Variants in XKR7 observed in about 807,000 individuals in gnomAD.
The protein encoded by XKR7 is XK related 7, also known as XK-related protein 7.
A neutral mutation model predicts 42.2 loss-of-function variants in XKR7; 11 were observed. The ratio of observed to expected loss-of-function variants is 0.26; its 90% confidence interval spans 0.16 to 0.43. The LOEUF is 0.43. XKR7 is among the 20% of genes least tolerant of loss of function. The pLI is 1.00. For synonymous variants in XKR7, 346 were observed against 366.4 expected, an observed-to-expected ratio of 0.94 and a Z score of 0.64; for missense variants, 710 against 802.2, an observed-to-expected ratio of 0.89 and a Z score of 1.39.
At position 31,996,888 on chromosome 20, in the gene XKR7, G is replaced by A. The variant is rs780050226; in HGVS notation, c.1171G>A (p.Val391Ile). ...CCGCATGACCCTCTACCACTGCATC[G>A]TCCTGCTGGAGAACGCCGCGCTCAC... ...RRRMTLYHCI[V>I]LLENAALTGF... Residue 391 changes from valine to isoleucine, a missense_variant, in exon 3 of 3, where the codon GTC (valine) becomes ATC (isoleucine). By Grantham distance (29) the Val-to-Ile change is conservative (BLOSUM62 3). Around this residue, in one of 2 missense-constraint regions of XKR7, gnomAD observed 708 missense variants for 786.2 expected, o/e 0.90. Transcript: ENST00000562532. 33 of 1,613,782 alleles carry A rather than the reference G, an allele frequency of 2.0e-5. No homozygotes were observed. Among genetic ancestry groups the A allele is most frequent in the Non-Finnish European group, 2.5e-5 (29 of 1,180,042 alleles).
Position 31,968,859 on chromosome 20 carries a change from C to T in XKR7, c.584+100C>T. Reference sequence around the variant, plus strand: ...TGATCTGACCTTTCCGGGCTACCCTCCTGTCCTGACCTCCCCCCCTCCCCA... The same window carrying T: ...TGATCTGACCTTTCCGGGCTACCCTTCTGTCCTGACCTCCCCCCCTCCCCA... On this transcript the variant is annotated intron_variant, in intron 1 of 2. Coordinates refer to ENST00000562532, the MANE Select transcript of XKR7 (RefSeq NM_001011718.2). The surrounding 1 kb of genome is among the most constrained non-coding windows in gnomAD (Gnocchi z 4.5). 2 of 1,409,192 alleles carry T rather than the reference C, an allele frequency of 1.4e-6. No homozygotes were observed. Among genetic ancestry groups the T allele is most frequent in the East Asian group, 5.1e-5 (2 of 38,974 alleles). The allele number at this position is 1,409,192 out of a possible 1,614,324, so 87.3% of individuals were successfully genotyped here. A position where few individuals can be genotyped will look rare whatever the true frequency, so the allele number is the denominator to read the frequency against.
At chr20:31,972,352 C>G (rs2064469148) in intron 1 of XKR7, among the ~76,000 whole-genome samples, 1 of 152,216 alleles carries the variant, frequency 6.6e-6, no homozygotes, top group Non-Finnish European at 1.5e-5. Flanking sequence ...TTACACCACA[C>G]ACTGGCTACT....
chr20:31,968,809 G>A lies in XKR7; in HGVS notation c.584+50G>A. ...CCTGAGCCCGAGGAGTGGGGGTGGC[G>A]AAGGGCTACCTGACGTCCCAGCCCT... is the stretch of plus-strand genomic sequence containing the variant. On this transcript the variant is annotated intron_variant, in intron 1 of 2. Transcript: ENST00000562532. The surrounding 1 kb of genome is among the most constrained non-coding windows in gnomAD (Gnocchi z 4.5). 1 of 1,449,186 alleles carries A rather than the reference G, an allele frequency of 6.9e-7. No homozygotes were observed. Among genetic ancestry groups the A allele is most frequent in the Non-Finnish European group, 9.0e-7 (1 of 1,106,394 alleles). 89.8% of individuals were successfully genotyped at this position (1,449,186 alleles called of 1,614,324 possible). A position where few individuals can be genotyped will look rare whatever the true frequency, so the allele number is the denominator to read the frequency against.
rs769835072 is a variant in XKR7 at position 31,996,697 on chromosome 20, A to G, written c.980A>G (p.Tyr327Cys). Reference protein sequence around the residue: ...FALFASVYKLYFGIFIVAHWC... With the variant: ...FALFASVYKLCFGIFIVAHWC... ...CTCTTCGCCAGCGTCTACAAGCTCT[A>G]TTTTGGCATCTTCATCGTGGCCCAC... Residue 327 changes from tyrosine to cysteine, a missense_variant, in exon 3 of 3, where the codon TAT becomes TGT. Tyr to Cys is a radical substitution (Grantham distance 194). Coordinates refer to ENST00000562532, the MANE Select transcript of XKR7 (RefSeq NM_001011718.2). 7 of 1,611,440 alleles carry G rather than the reference A, an allele frequency of 4.3e-6. No individual in the cohort carries two copies. In the Admixed American group the frequency reaches 1.0e-4, roughly 23 times the overall value.
chr20:31,971,615 G>A (rs1479287745), intron 1 of XKR7, among the ~76,000 whole-genome samples: 3 of 152,164 alleles, frequency 2.0e-5, no homozygotes, highest in African/African-American at 7.2e-5. Context: ...TAATGAAGAG[G>A]GAGATGTGTG....
At chr20:31,971,132 T>C (rs2064463494) in intron 1 of XKR7, among the ~76,000 whole-genome samples, 1 of 152,180 alleles carries the variant, frequency 6.6e-6, no homozygotes. Flanking sequence ...TCTGTTGCAC[T>C]GAGATAAGAA....
Position 31,997,727 on chromosome 20 carries a change from C to A in XKR7, c.*270C>A. ...TCTGGTGCTACACTTTTCGAGCTGC[C>A]CTGCTTTCATGGGGCCTCCACACCT... On this transcript the variant is annotated 3_prime_UTR_variant, in exon 3 of 3. Coordinates refer to ENST00000562532, the MANE Select transcript of XKR7 (RefSeq NM_001011718.2). 2.2e-6 allele frequency: 1 copy of A among 462,958 alleles called. No individual in the cohort carries two copies. 28.7% of individuals were successfully genotyped at this position (462,958 alleles called of 1,614,324 possible). A position where few individuals can be genotyped will look rare whatever the true frequency, so the allele number is the denominator to read the frequency against.
chr20:31,995,103 G>A lies in XKR7; in HGVS notation c.620G>A (p.Arg207His). 1 of 1,556,422 alleles carries A rather than the reference G, an allele frequency of 6.4e-7. No individual in the cohort carries two copies. ...LRALYLGLQSRWRGERLRRHF... is the reference protein window; with the variant it reads ...LRALYLGLQSHWRGERLRRHF... Reference sequence around the variant, plus strand: ...GCCCTGTACCTGGGGCTGCAGAGCCGCTGGCGCGGGGAGCGGCTGCGGCGC... The same window carrying A: ...GCCCTGTACCTGGGGCTGCAGAGCCACTGGCGCGGGGAGCGGCTGCGGCGC... Residue 207 changes from arginine (R) to histidine (H), a missense_variant, in exon 2 of 3, where the codon CGC (arginine) becomes CAC (histidine). Transcript: ENST00000562532. This position sits in a 1 kb window ranked among gnomAD's most constrained non-coding sequence, Gnocchi z 4.1.
intron 1 of XKR7, among the ~76,000 whole-genome samples, chr20:31,973,314 T>G (rs1229023653): frequency 6.6e-6 from 1 of 152,174 alleles, no homozygotes; most frequent in Non-Finnish European, 1.5e-5. Context: ...CAGCAGACAT[T>G]TATTAAGCAC....
chr20:31,991,389 A>T (rs1368459676), intron 1 of XKR7, among the ~76,000 whole-genome samples: 1 of 152,086 alleles, frequency 6.6e-6, no homozygotes, highest in Non-Finnish European at 1.5e-5. Context: ...TCTAAGGGCC[A>T]TCTTGGTTTC....
intron 1 of XKR7, among the ~76,000 whole-genome samples, chr20:31,985,811 CT>C (rs1181297708): frequency 2.1e-5 from 3 of 140,018 alleles, no homozygotes; most frequent in Admixed American, 7.2e-5. Flanking sequence ...GACAGACAGA[CT>C]ACCAAGCAGA....
chr20:31,982,761 A>C (rs2064519390), intron 1 of XKR7, among the ~76,000 whole-genome samples: 1 of 152,208 alleles, frequency 6.6e-6, no homozygotes, highest in Admixed American at 6.5e-5. Flanking sequence ...TTTCTGACCC[A>C]GTGTCCCTCG....
chr20:31,972,706 C>A (rs1364740430), intron 1 of XKR7, among the ~76,000 whole-genome samples: 2 of 152,200 alleles, frequency 1.3e-5, no homozygotes, highest in African/African-American at 4.8e-5. Flanking sequence ...TCCTGCCAGG[C>A]TTTCGGGATC....
chr20:31,991,155 C>T (rs1040931572), intron 1 of XKR7, among the ~76,000 whole-genome samples: 10 of 152,152 alleles, frequency 6.6e-5, no homozygotes, highest in Admixed American at 6.5e-4. Flanking sequence ...TGGCCAGGGG[C>T]CAGGGCCTCT....
rs1432704920 is a variant in XKR7, at chr20:31,997,597, T to C, written c.*140T>C. 9 of 824,496 alleles carry C rather than the reference T, an allele frequency of 1.1e-5. No individual in the cohort carries two copies. The highest frequency in any genetic ancestry group is 1.8e-5 in the South Asian group (1 of 54,108). 51.1% of individuals were successfully genotyped at this position (824,496 alleles called of 1,614,324 possible). A position where few individuals can be genotyped will look rare whatever the true frequency, so the allele number is the denominator to read the frequency against. ...GGGTAGAGTGGCCCCACTCTTGGGT[T>C]CTTTCAGGGGAGGGGGCAGCCTTGC... is the stretch of plus-strand genomic sequence containing the variant. On this transcript the variant is annotated 3_prime_UTR_variant, in exon 3 of 3. Coordinates refer to ENST00000562532, the MANE Select transcript of XKR7 (RefSeq NM_001011718.2).
In XKR7 at chr20:31,999,085, G is replaced by A. The variant is rs939379777; in HGVS notation, c.*1628G>A. On this transcript the variant is annotated 3_prime_UTR_variant, in exon 3 of 3. Transcript: ENST00000562532. ...AGCAACTTAGGTGTGATTGGTGGGA[G>A]AGGACAGCAGCGGATGTTAAGGACA... The A allele has an allele frequency of 6.7e-6, 1 of 150,066 alleles. No individual in the cohort carries two copies. Among genetic ancestry groups the A allele is most frequent in the Non-Finnish European group, 1.5e-5 (1 of 67,792 alleles). The allele number at this position is 150,066 out of a possible 1,614,324, so 9.3% of individuals were successfully genotyped here. A position where few individuals can be genotyped will look rare whatever the true frequency, so the allele number is the denominator to read the frequency against.
rs1600665600 is a variant in XKR7, at chr20:32,000,576, T to C, written c.*3119T>C. The C allele has an allele frequency of 6.6e-6, 1 of 152,268 alleles. No homozygotes were observed. The allele number at this position is 152,268 out of a possible 1,614,324, so 9.4% of individuals were successfully genotyped here. On this transcript the variant is annotated 3_prime_UTR_variant, in exon 3 of 3. Transcript: ENST00000562532. ...TTAGGATTTCCCTGGGGATGAGAGG[T>C]AGTTGGGTGTGTCTTAATTTTGCCA...
intron 1 of XKR7, among the ~76,000 whole-genome samples, chr20:31,992,404 C>T (rs906365669): frequency 6.6e-6 from 1 of 152,156 alleles, no homozygotes; most frequent in African/African-American, 2.4e-5. Context: ...AGAAGAAATA[C>T]AATCCAGACC....
chr20:31,970,880 C>T (rs1414979895), intron 1 of XKR7: 2 of 152,196 alleles, frequency 1.3e-5, no homozygotes, highest in Non-Finnish European at 2.9e-5. Context: ...TCTAATCATC[C>T]TGTCATGTGG....
Sources: allele counts gnomAD v4.1 joint callset (sites outside exome capture counted in the v4.1 genomes callset), GRCh38; gene constraint gnomAD v4.1.1; regional missense constraint gnomAD v4.1.1; non-coding constraint Gnocchi (gnomAD v3.1); transcripts MANE v1.5; gene names NCBI Gene and HGNC (gene_info 2026-07-23, HGNC 2026-07-21).